BCL2L11: variants seen among roughly 807,000 people sequenced by gnomAD.
The protein encoded by BCL2L11 is bcl-2-like protein 11.
Under a neutral mutation model 20.6 loss-of-function variants are expected in BCL2L11, and 15 were observed. The observed-to-expected ratio is 0.73, with a 90% CI of 0.49 to 1.12. The LOEUF is 1.12. BCL2L11 is among the 50% of genes most tolerant of loss of function. BCL2L11 has a pLI of 0.00. For synonymous variants in BCL2L11, 108 were observed against 92.8 expected (o/e 1.16, Z -0.94); for missense variants, 292 against 260.9 (o/e 1.12, Z -0.82).
rs562674300 is a variant in BCL2L11 at position 111,124,433 on chromosome 2, G to A, written c.394+294G>A. Among the ~76,000 whole-genome samples, 24 of 152,154 alleles carry A rather than the reference G, an allele frequency of 1.6e-4. No homozygotes were observed. The South Asian group carries it at 5.0e-3, about 32-fold the overall frequency. ...AGCCTCCAGAGTAGCTGGGACTACA[G>A]GCGCGTGCCACCACGCCCAGCTAAT... On this transcript the variant is annotated intron_variant, in intron 2 of 3. Transcript: ENST00000393256.
At chr2:111,152,655 T>C (rs2077388038) in intron 3 of BCL2L11, among the ~76,000 whole-genome samples, 1 of 152,162 alleles carries the variant, frequency 6.6e-6, no homozygotes, top group African/African-American at 2.4e-5. Flanking sequence ...ATAGTTTGAG[T>C]CATATGCAGA....
intron 3 of BCL2L11, chr2:111,161,408 T>A: frequency 6.4e-7 from 1 of 1,550,514 alleles, no homozygotes; most frequent in Non-Finnish European, 8.7e-7. Context: ...AAATGCACTT[T>A]TGATTCACAG....
At chr2:111,129,014 A>G (rs1277246395) in intron 2 of BCL2L11, among the ~76,000 whole-genome samples, 1 of 152,180 alleles carries the variant, frequency 6.6e-6, no homozygotes, top group Non-Finnish European at 1.5e-5. Flanking sequence ...AGGGCACATC[A>G]CTTCCATGAA....
chr2:111,128,720 C>A (rs752274091), intron 2 of BCL2L11: 135 of 1,549,258 alleles, frequency 8.7e-5, no homozygotes, highest in Non-Finnish European at 1.2e-4. Context: ...AGTCAAGATA[C>A]AGAACAACTC....
intron 2 of BCL2L11, chr2:111,131,822 AGT>A (rs1474224114): frequency 1.3e-4 from 20 of 152,324 alleles, no homozygotes; most frequent in African/African-American, 4.8e-4. Context: ...CCATAGGGAA[AGT>A]GTATATATGC....
At chr2:111,127,540 G>A (rs1182216672) in intron 2 of BCL2L11, among the ~76,000 whole-genome samples, 2 of 151,570 alleles carry the variant, frequency 1.3e-5, no homozygotes, top group Non-Finnish European at 2.9e-5. Flanking sequence ...GCAGATGCTA[G>A]CGAGTGCCTG....
chr2:111,149,946 T>G, intron 2 of BCL2L11, 98 bp from the exon 3 acceptor site: 1 of 932,940 alleles, frequency 1.1e-6, no homozygotes, highest in Non-Finnish European at 1.6e-6. Flanking sequence ...TGTGAAAGAG[T>G]GTGTGAGATG....
chr2:111,151,703 T>C (rs1451659502), intron 3 of BCL2L11: 7 of 828,464 alleles, frequency 8.4e-6, no homozygotes, highest in Non-Finnish European at 1.4e-5. Flanking sequence ...AAAACACACA[T>C]CGGATCTTCC....
At chr2:111,122,966 G>T in intron 1 of BCL2L11, 1 of 985,424 alleles carries the variant, frequency 1.0e-6, no homozygotes, top group Non-Finnish European at 1.2e-6. Context: ...GGGTCTGTGG[G>T]ATGAAGGCGG....
intron 2 of BCL2L11, among the ~76,000 whole-genome samples, chr2:111,135,014 A>C (rs1173204296): frequency 6.6e-6 from 1 of 152,202 alleles, no homozygotes; most frequent in Non-Finnish European, 1.5e-5. Flanking sequence ...GGGTGCACTC[A>C]GCATCTTGAA....
intron 2 of BCL2L11, among the ~76,000 whole-genome samples, chr2:111,145,514 T>G (rs1281784564): frequency 6.6e-6 from 1 of 152,022 alleles, no homozygotes; most frequent in Non-Finnish European, 1.5e-5. Context: ...AAAAAAAAAG[T>G]TTCCTGCCGT....
chr2:111,162,739 GGATT>G (rs1388175657), intron 3 of BCL2L11: 1 of 152,140 alleles, frequency 6.6e-6, no homozygotes, highest in Non-Finnish European at 1.5e-5. Flanking sequence ...AACTCTGCCT[GGATT>G]GATTACTTAG....
chr2:111,121,316 T>A (rs559820538), intron 1 of BCL2L11, 128 bp downstream of exon 1: 1 of 169,654 alleles, frequency 5.9e-6, no homozygotes, highest in South Asian at 1.9e-4. Flanking sequence ...TCGGCGCCGC[T>A]TGTCGCCGGC....
chr2:111,141,087 G>A (rs1483941914), intron 2 of BCL2L11, among the ~76,000 whole-genome samples: 1 of 152,206 alleles, frequency 6.6e-6, no homozygotes, highest in African/African-American at 2.4e-5. Flanking sequence ...TAACAACCCT[G>A]GGGCAAATGC....
At position 111,121,023 on chromosome 2, in the gene BCL2L11, C is replaced by T. The variant is rs1249648973; in HGVS notation, c.-179C>T. On this transcript the variant is annotated 5_prime_UTR_variant, in exon 1 of 4. Coordinates refer to ENST00000393256, the MANE Select transcript of BCL2L11 (RefSeq NM_138621.5). ...GCCGCCGCCGCCGCCGCCGCCGCCACTACCACCACTTGATTCTTGCAGCCA... is the reference window on the plus strand; with the variant it reads ...GCCGCCGCCGCCGCCGCCGCCGCCATTACCACCACTTGATTCTTGCAGCCA... The T allele has an allele frequency of 1.3e-5, 5 of 399,994 alleles. No homozygotes were observed. The highest frequency in any genetic ancestry group is 2.2e-5 in the Non-Finnish European group (5 of 225,712). The allele number at this position is 399,994 out of a possible 1,614,324, so 24.8% of individuals were successfully genotyped here. A position where few individuals can be genotyped will look rare whatever the true frequency, so the allele number is the denominator to read the frequency against.
chr2:111,129,337 C>T (rs6758181), intron 2 of BCL2L11, among the ~76,000 whole-genome samples: 79,892 of 151,846 alleles, frequency 0.53, 21,562 homozygotes, highest in African/African-American at 0.59. Context: ...TTTTTAGGTC[C>T]TAAGTGGGGA....
At chr2:111,144,629 G>C in intron 2 of BCL2L11, 2 of 1,328,422 alleles carry the variant, frequency 1.5e-6, no homozygotes, top group Non-Finnish European at 2.1e-6. Flanking sequence ...TTTAAAGAAG[G>C]AGACTTACAG....
At chr2:111,125,652 A>T (rs2072415510) in intron 2 of BCL2L11, among the ~76,000 whole-genome samples, 1 of 151,488 alleles carries the variant, frequency 6.6e-6, no homozygotes, top group South Asian at 2.1e-4. Context: ...AATTGGAAAG[A>T]ACCTCAGAGT....
rs773037807 is a variant in BCL2L11, at chr2:111,164,145, A to G, written c.511A>G (p.Asn171Asp). 1 of 1,607,134 alleles carries G rather than the reference A, an allele frequency of 6.2e-7. No homozygotes were observed. The highest frequency in any genetic ancestry group is 2.2e-5 in the East Asian group (1 of 44,774). The change falls in exon 4 of 4, where the codon AAT becomes GAT. Residue 171 changes from asparagine to aspartate, a missense_variant. Transcript: ENST00000393256. ...AYYARRVFLN[N>D]YQAAEDHPRM... ...TTTGTTGTTTCAGGTATTTTTGAATAATTACCAAGCAGCCGAAGACCACCC... is the reference window on the plus strand; with the variant it reads ...TTTGTTGTTTCAGGTATTTTTGAATGATTACCAAGCAGCCGAAGACCACCC...
Sources: allele counts gnomAD v4.1 joint callset (sites outside exome capture counted in the v4.1 genomes callset), GRCh38; gene constraint gnomAD v4.1.1; transcripts MANE v1.5; gene names NCBI Gene and HGNC (gene_info 2026-07-23, HGNC 2026-07-21).